Variants in IRAG1 observed in about 807,000 individuals in gnomAD.
IRAG1 encodes the protein inositol 1,4,5-triphosphate receptor associated 1.
A neutral mutation model predicts 106.2 loss-of-function variants in IRAG1; 62 were observed. The observed-to-expected ratio is 0.58, with a 90% confidence interval of 0.48 to 0.72. IRAG1 has a LOEUF of 0.72. IRAG1 is among the 30% of genes least tolerant of loss of function. The pLI is 0.00. For missense variants in IRAG1, 1,064 were observed against 1,140.7 expected, an observed-to-expected ratio of 0.93 and a Z score of 0.97; for synonymous variants, 462 against 443.9, an observed-to-expected ratio of 1.04 and a Z score of -0.51.
chr11:10,686,565 G>C (rs716380), intron 1 of IRAG1, among the ~76,000 whole-genome samples: 2 of 152,130 alleles, frequency 1.3e-5, no homozygotes, highest in South Asian at 4.2e-4. Flanking sequence ...GCCCTGCCCC[G>C]AGAGCTCAGG....
intron 2 of IRAG1, among the ~76,000 whole-genome samples, chr11:10,638,514 T>C (rs1857298123): frequency 3.8e-5 from 2 of 52,562 alleles, no homozygotes; most frequent in South Asian, 1.1e-3. Flanking sequence ...ACTCTGACTG[T>C]GCTTATAGCA....
chr11:10,602,379 C>T (rs776927877), intron 14 of IRAG1, among the ~76,000 whole-genome samples: 7 of 152,208 alleles, frequency 4.6e-5, no homozygotes, highest in Non-Finnish European at 8.8e-5. Flanking sequence ...CTGTGACCAT[C>T]CTCATTTTAT....
chr11:10,662,048 G>A (rs1859444403), intron 1 of IRAG1, among the ~76,000 whole-genome samples: 1 of 152,118 alleles, frequency 6.6e-6, no homozygotes, highest in Non-Finnish European at 1.5e-5. Flanking sequence ...CACAGAATAG[G>A]CATTCACTAA....
At position 10,604,390 on chromosome 11, in the gene IRAG1, A is replaced by G; in HGVS notation, c.1743+15T>C. On this transcript the variant is annotated intron_variant, in intron 13 of 20. Coordinates refer to ENST00000423302, the MANE Select transcript of IRAG1 (RefSeq NM_130385.4). ...CTCTGCTCCAGGGATTCCTCACATC[A>G]GGCTCCACAATTACCGTAATGGAAG... The G allele has an allele frequency of 6.2e-7, 1 of 1,613,830 alleles. No homozygotes were observed. The highest frequency in any genetic ancestry group is 8.5e-7 in the Non-Finnish European group (1 of 1,179,802).
chr11:10,576,673 T>G, intron 20 of IRAG1, 98 bp from the exon 21 acceptor site: 2 of 1,484,420 alleles, frequency 1.3e-6, no homozygotes, highest in Non-Finnish European at 1.8e-6. Context: ...CCATGCTGTC[T>G]TGAGCAATAG....
intron 1 of IRAG1, among the ~76,000 whole-genome samples, chr11:10,678,105 C>G (rs1003847806): frequency 1.3e-5 from 2 of 152,086 alleles, no homozygotes; most frequent in African/African-American, 4.8e-5. Flanking sequence ...TTGTTTCCTC[C>G]TTTTGGCTAT....
intron 14 of IRAG1, among the ~76,000 whole-genome samples, chr11:10,602,526 T>C (rs1854117672): frequency 6.6e-6 from 1 of 152,196 alleles, no homozygotes; most frequent in African/African-American, 2.4e-5. Context: ...CTCTGTATGC[T>C]TCAGGACTTC....
At position 10,628,931 on chromosome 11, in the gene IRAG1, GC is replaced by G; in HGVS notation, c.575-104del. 9.2e-7 allele frequency: 1 copy of G among 1,081,138 alleles called. No homozygotes were observed. The highest frequency in any genetic ancestry group is 2.8e-5 in the East Asian group (1 of 35,506). 67.0% of individuals were successfully genotyped at this position (1,081,138 alleles called of 1,614,324 possible). On this transcript the variant is annotated intron_variant, in intron 5 of 20. Coordinates refer to ENST00000423302, the MANE Select transcript of IRAG1 (RefSeq NM_130385.4). This position sits in a 1 kb window ranked among gnomAD's most constrained non-coding sequence, Gnocchi z 4.1. ...TTCCCAGGCCCTGGGAACTGGGTCT[GC>G]CTTGCTGGGCTCAGGGGCTGATGCT...
Position 10,665,060 on chromosome 11 carries a change from T to G in IRAG1, c.68-12878A>C, listed in dbSNP as rs1859685639. Among the ~76,000 whole-genome samples, 1 of 152,146 alleles carries G rather than the reference T, an allele frequency of 6.6e-6. No individual in the cohort carries two copies. Among genetic ancestry groups the G allele is most frequent in the Non-Finnish European group, 1.5e-5 (1 of 68,038 alleles). On this transcript the variant is annotated intron_variant, in intron 1 of 20. Transcript: ENST00000423302. The surrounding 1 kb of genome is among the most constrained non-coding windows in gnomAD (Gnocchi z 4.2). ...CCAACTGGTGCAAACAGCCTATCCT[T>G]TATAATGCTGCCTGTGGGGACTTTC...
intron 1 of IRAG1, among the ~76,000 whole-genome samples, chr11:10,664,665 A>C (rs1012493806): frequency 6.6e-6 from 1 of 152,232 alleles, no homozygotes; most frequent in African/African-American, 2.4e-5. Context: ...GGCTGGAAGC[A>C]GCCATCACAT....
intron 1 of IRAG1, among the ~76,000 whole-genome samples, chr11:10,691,599 T>C (rs904723504): frequency 2.6e-5 from 4 of 152,194 alleles, no homozygotes; most frequent in Non-Finnish European, 5.9e-5. Context: ...TTAAATTCCC[T>C]GCTTTGTCAC....
At chr11:10,613,972 G>A (rs1003209582) in intron 10 of IRAG1, among the ~76,000 whole-genome samples, 15 of 151,948 alleles carry the variant, frequency 9.9e-5, no homozygotes, top group Non-Finnish European at 1.6e-4. Flanking sequence ...AAATTCTCAC[G>A]CACCAAGCCA....
At chr11:10,587,051 C>A (rs533846404) in intron 18 of IRAG1, among the ~76,000 whole-genome samples, 11 of 152,310 alleles carry the variant, frequency 7.2e-5, no homozygotes, top group Admixed American at 7.2e-4. Context: ...CTGTGCCCAC[C>A]CTAGGGATTT....
At chr11:10,680,691 C>T (rs1016208588) in intron 1 of IRAG1, among the ~76,000 whole-genome samples, 23 of 152,116 alleles carry the variant, frequency 1.5e-4, no homozygotes, top group African/African-American at 5.6e-4. Context: ...TATCCCAGCC[C>T]TGCCATGTGA....
intron 8 of IRAG1, 61 bp downstream of exon 8, chr11:10,627,655 C>A: frequency 6.3e-7 from 1 of 1,590,900 alleles, no homozygotes; most frequent in Non-Finnish European, 8.6e-7. Flanking sequence ...CCAGCCTAGG[C>A]TTCTAGGAGA....
chr11:10,680,404 G>GGAAAGAAAGGAAA (rs1554935660), intron 1 of IRAG1, among the ~76,000 whole-genome samples: 6,867 of 81,830 alleles, frequency 0.084, 460 homozygotes, highest in South Asian at 0.18. Flanking sequence ...AAGGAAGGAA[G>GGAAAGAAAGGAAA]GAAAGAAAGG....
intron 1 of IRAG1, among the ~76,000 whole-genome samples, chr11:10,675,359 T>C (rs1257834989): frequency 6.6e-6 from 1 of 152,216 alleles, no homozygotes; most frequent in Non-Finnish European, 1.5e-5. Context: ...GTGTGTCACG[T>C]GCACTGCCTC....
intron 18 of IRAG1, among the ~76,000 whole-genome samples, 181 bp from the exon 19 acceptor site, chr11:10,582,167 T>C (rs1235485176): frequency 1.3e-5 from 2 of 152,214 alleles, no homozygotes; most frequent in Non-Finnish European, 2.9e-5. Flanking sequence ...TCCTAGTCCA[T>C]GAATTTTCCC....
At chr11:10,591,649 G>A (rs374355616) in intron 17 of IRAG1, 37 bp from the exon 18 acceptor site, 139 of 1,539,124 alleles carry the variant, frequency 9.0e-5, no homozygotes, top group East Asian at 4.3e-4. Context: ...TTGAGGATGC[G>A]CTATGGAAGG....
Sources: gnomAD v4.1 joint callset for allele counts (sites outside exome capture counted in the v4.1 genomes callset) on GRCh38, gnomAD v4.1.1 for gene constraint, Gnocchi (gnomAD v3.1) non-coding constraint, MANE v1.5 for transcripts, NCBI Gene and HGNC (gene_info 2026-07-23, HGNC 2026-07-21) for gene names.